Variants in ONECUT2 observed in about 807,000 individuals in gnomAD.
ONECUT2 encodes the protein one cut domain family member 2.
Under a neutral mutation model 27.9 loss-of-function variants are expected in ONECUT2, and 10 were observed. The ratio of observed to expected loss-of-function variants is 0.36; its 90% CI spans 0.22 to 0.61. ONECUT2 has a LOEUF of 0.61. ONECUT2 is among the 20% of genes least tolerant of loss of function. ONECUT2 has a pLI of 0.73. For missense variants in ONECUT2, 686 were observed against 721.0 expected (o/e 0.95, Z 0.56); for synonymous variants, 334 against 315.1 (o/e 1.06, Z -0.64).
At chr18:57,465,963 C>T (rs370836908) in intron 1 of ONECUT2, among the ~76,000 whole-genome samples, 6 of 152,314 alleles carry the variant, frequency 3.9e-5, no homozygotes, top group Admixed American at 6.5e-5. Context: ...GGAATACACA[C>T]GACAACCCCC....
intron 1 of ONECUT2, among the ~76,000 whole-genome samples, chr18:57,462,867 G>A (rs34810701): frequency 0.096 from 14,568 of 151,176 alleles, 807 homozygotes; most frequent in Middle Eastern, 0.21. Flanking sequence ...GAGTAGCTGG[G>A]ACAACAGGCA....
rs3745064 is a variant in ONECUT2, at chr18:57,486,834, A to G, written c.*10111A>G. On this transcript the variant is annotated 3_prime_UTR_variant, in exon 2 of 2. Coordinates refer to ENST00000491143, the MANE Select transcript of ONECUT2 (RefSeq NM_004852.3). ...GTTGAAAAGAATAATTATTTTCTAC[A>G]TTTGTGCCACTTGGTCTGAACAATT... 79,314 of 152,518 alleles carry G rather than the reference A, an allele frequency of 0.52. 23,795 individuals carry two copies. The highest frequency in any genetic ancestry group is 0.68 in the Non-Finnish European group (46,521 of 67,994). 9.4% of individuals were successfully genotyped at this position (152,518 alleles called of 1,614,324 possible). A position where few individuals can be genotyped will look rare whatever the true frequency, so the allele number is the denominator to read the frequency against.
At chr18:57,470,597 C>A (rs2050347812) in intron 1 of ONECUT2, among the ~76,000 whole-genome samples, 2 of 152,144 alleles carry the variant, frequency 1.3e-5, no homozygotes, top group Admixed American at 1.3e-4. Flanking sequence ...TTCTATGGCT[C>A]TGTGAGGAGG....
chr18:57,437,031 C>T, intron 1 of ONECUT2, 87 bp downstream of exon 1: 2 of 1,475,898 alleles, frequency 1.4e-6, no homozygotes. Flanking sequence ...CGCCGAGTCA[C>T]TTCTCTTGAT....
Position 57,435,589 on chromosome 18 carries a change from C to T in ONECUT2, c.-128C>T, listed in dbSNP as rs2050133551. 3 of 742,144 alleles carry T rather than the reference C, an allele frequency of 4.0e-6. No homozygotes were observed. The highest frequency in any genetic ancestry group is 1.6e-6 in the Non-Finnish European group (1 of 609,734). The allele number at this position is 742,144 out of a possible 1,614,324, so 46.0% of individuals were successfully genotyped here. Reference sequence around the variant, plus strand: ...GCCCGCAGCCCGGGGCGCACACCCGCACGCGCACTCCTCTCCACTCACTCC... The same window carrying T: ...GCCCGCAGCCCGGGGCGCACACCCGTACGCGCACTCCTCTCCACTCACTCC... On this transcript the variant is annotated 5_prime_UTR_variant, in exon 1 of 2. Coordinates refer to ENST00000491143, the MANE Select transcript of ONECUT2 (RefSeq NM_004852.3).
chr18:57,485,667 G>T lies in ONECUT2; in HGVS notation c.*8944G>T, dbSNP rs2050434319. The T allele has an allele frequency of 6.6e-6, 1 of 152,082 alleles. No individual in the cohort carries two copies. The highest frequency in any genetic ancestry group is 1.5e-5 in the Non-Finnish European group (1 of 68,008). The allele number at this position is 152,082 out of a possible 1,614,324, so 9.4% of individuals were successfully genotyped here. A position where few individuals can be genotyped will look rare whatever the true frequency, so the allele number is the denominator to read the frequency against. Reference sequence around the variant, plus strand: ...GCATTTCACATAATGTAGTTATTTTGAGCTTTTAAAGAGAGCATTTAGACA... The same window carrying T: ...GCATTTCACATAATGTAGTTATTTTTAGCTTTTAAAGAGAGCATTTAGACA... On this transcript the variant is annotated 3_prime_UTR_variant, in exon 2 of 2. Coordinates refer to ENST00000491143, the MANE Select transcript of ONECUT2 (RefSeq NM_004852.3).
chr18:57,471,663 C>T (rs965820761), intron 1 of ONECUT2, among the ~76,000 whole-genome samples: 1 of 152,196 alleles, frequency 6.6e-6, no homozygotes, highest in Non-Finnish European at 1.5e-5. Flanking sequence ...CCTTGTTAAT[C>T]ACAGATTATA....
At chr18:57,457,168 C>T (rs1290238716) in intron 1 of ONECUT2, among the ~76,000 whole-genome samples, 1 of 152,198 alleles carries the variant, frequency 6.6e-6, no homozygotes, top group Non-Finnish European at 1.5e-5. Flanking sequence ...CACAAGGTTC[C>T]AATTTTTCCA....
rs2050431138 is a variant in ONECUT2 at position 57,484,838 on chromosome 18, A to G, written c.*8115A>G. The G allele has an allele frequency of 6.6e-6, 1 of 152,194 alleles. No homozygotes were observed. The highest frequency in any genetic ancestry group is 2.4e-5 in the African/African-American group (1 of 41,432). The allele number at this position is 152,194 out of a possible 1,614,324, so 9.4% of individuals were successfully genotyped here. On this transcript the variant is annotated 3_prime_UTR_variant, in exon 2 of 2. Transcript: ENST00000491143. ...AGTGCTCCGCTTATTGTACAGTGCT[A>G]CCTCTGCATGAGAGCGGTCCCACAT...
chr18:57,459,641 C>A (rs1423700474), intron 1 of ONECUT2, among the ~76,000 whole-genome samples: 1 of 152,168 alleles, frequency 6.6e-6, no homozygotes, highest in Non-Finnish European at 1.5e-5. Flanking sequence ...CTCACTGCAA[C>A]CTCTGCCTCT....
intron 1 of ONECUT2, among the ~76,000 whole-genome samples, chr18:57,453,554 C>A (rs2050242375): frequency 3.9e-3 from 2 of 516 alleles, no homozygotes; most frequent in South Asian, 0.2. Flanking sequence ...GCTCACAGTT[C>A]CCCTGAATGT....
At position 57,488,319 on chromosome 18, in the gene ONECUT2, T is replaced by C. The variant is rs2050448191; in HGVS notation, c.*11596T>C. 6.6e-6 allele frequency: 1 copy of C among 152,644 alleles called. No homozygotes were observed. Among genetic ancestry groups the C allele is most frequent in the African/African-American group, 2.4e-5 (1 of 41,456 alleles). The allele number at this position is 152,644 out of a possible 1,614,324, so 9.5% of individuals were successfully genotyped here. ...TTTATATGTTGTTCCACAATAAAATTGATATTTGTTTCAGCAAAGTTTTCC... is the reference window on the plus strand; with the variant it reads ...TTTATATGTTGTTCCACAATAAAATCGATATTTGTTTCAGCAAAGTTTTCC... On this transcript the variant is annotated 3_prime_UTR_variant, in exon 2 of 2. Coordinates refer to ENST00000491143, the MANE Select transcript of ONECUT2 (RefSeq NM_004852.3).
chr18:57,485,119 T>C lies in ONECUT2; in HGVS notation c.*8396T>C, dbSNP rs2050432292. On this transcript the variant is annotated 3_prime_UTR_variant, in exon 2 of 2. Coordinates refer to ENST00000491143, the MANE Select transcript of ONECUT2 (RefSeq NM_004852.3). ...TTTCCATTACAAAGCATTGTATAGA[T>C]AACTTTTTAATTCAGTAGGAGGAGA... The C allele has an allele frequency of 6.6e-6, 1 of 152,218 alleles. No individual in the cohort carries two copies. The highest frequency in any genetic ancestry group is 2.1e-4 in the South Asian group (1 of 4,830). The allele number at this position is 152,218 out of a possible 1,614,324, so 9.4% of individuals were successfully genotyped here. A position where few individuals can be genotyped will look rare whatever the true frequency, so the allele number is the denominator to read the frequency against.
At chr18:57,439,823 C>T (rs894027020) in intron 1 of ONECUT2, among the ~76,000 whole-genome samples, 1 of 152,220 alleles carries the variant, frequency 6.6e-6, no homozygotes, top group Non-Finnish European at 1.5e-5. Context: ...TCTTCTCTTT[C>T]TCTCATAGGT....
intron 1 of ONECUT2, among the ~76,000 whole-genome samples, chr18:57,459,430 T>C (rs2050277802): frequency 6.6e-6 from 1 of 152,222 alleles, no homozygotes; most frequent in Non-Finnish European, 1.5e-5. Context: ...CCCAGGTATA[T>C]AAAGCAAACA....
intron 1 of ONECUT2, among the ~76,000 whole-genome samples, chr18:57,464,536 T>A (rs1177852508): frequency 6.6e-6 from 1 of 152,240 alleles, no homozygotes; most frequent in Non-Finnish European, 1.5e-5. Flanking sequence ...TCTGAAATTG[T>A]CTTTGACTGG....
chr18:57,441,413 C>G (rs999896542), intron 1 of ONECUT2, among the ~76,000 whole-genome samples: 1 of 152,214 alleles, frequency 6.6e-6, no homozygotes, highest in African/African-American at 2.4e-5. Flanking sequence ...CGCGGGTTCT[C>G]CCGTCTGACC....
chr18:57,449,148 C>G (rs1315395539), intron 1 of ONECUT2, among the ~76,000 whole-genome samples: 1 of 152,170 alleles, frequency 6.6e-6, no homozygotes, highest in Non-Finnish European at 1.5e-5. Context: ...GATGTCCCTG[C>G]TTTTGTGAAG....
intron 1 of ONECUT2, among the ~76,000 whole-genome samples, chr18:57,457,886 G>C (rs1317555511): frequency 6.6e-6 from 1 of 152,108 alleles, no homozygotes; most frequent in African/African-American, 2.4e-5. Context: ...AAAAGCAAAC[G>C]CTGCATGCTC....
Sources: gnomAD v4.1 joint callset for allele counts (sites outside exome capture counted in the v4.1 genomes callset) on GRCh38, gnomAD v4.1.1 for gene constraint, MANE v1.5 for transcripts, NCBI Gene and HGNC (gene_info 2026-07-23, HGNC 2026-07-21) for gene names.